Variants in CHRDL1 observed in about 807,000 individuals in gnomAD.
CHRDL1 encodes the protein chordin like 1.
In CHRDL1, 19 loss-of-function variants were observed where a neutral mutation model predicts 40.9. The observed-to-expected ratio is 0.46, with a 90% CI of 0.32 to 0.68. The LOEUF (loss-of-function observed/expected upper bound fraction) is 0.68. Among genes scored for constraint, CHRDL1 ranks in the 30% least tolerant of loss-of-function variants. The pLI, the probability that CHRDL1 is intolerant of heterozygous loss-of-function variation, is 0.03. For synonymous variants in CHRDL1, 136 were observed against 123.4 expected (o/e 1.10, Z -0.68); for missense variants, 329 against 352.1 (o/e 0.93, Z 0.53).
intron 5 of CHRDL1, among the ~76,000 whole-genome samples, chrX:110,721,120 G>T (rs1013423405): frequency 1.8e-5 from 2 of 111,811 alleles, no homozygotes; most frequent in African/African-American, 3.3e-5. Context: ...AAGGAGCGCC[G>T]ATCAACACAA....
chrX:110,753,988 C>A (rs903115432), intron 4 of CHRDL1, among the ~76,000 whole-genome samples: 1 of 112,072 alleles, frequency 8.9e-6, no homozygotes, highest in African/African-American at 3.2e-5. Flanking sequence ...CATGATTACC[C>A]AGCAAATTAA....
intron 11 of CHRDL1, among the ~76,000 whole-genome samples, chrX:110,677,502 G>A (rs933528623): frequency 2.7e-5 from 3 of 111,307 alleles, no homozygotes; most frequent in African/African-American, 9.8e-5. Context: ...TCCTGCCATG[G>A]GCACAGAGTA....
chrX:110,750,980 C>T (rs1171512105), intron 4 of CHRDL1, among the ~76,000 whole-genome samples: 1 of 111,704 alleles, frequency 9.0e-6, no homozygotes, highest in African/African-American at 3.3e-5. Context: ...AAGATCTTAC[C>T]CAGAACGGCT....
At chrX:110,745,740 G>A (rs1207626918) in intron 4 of CHRDL1, among the ~76,000 whole-genome samples, 1 of 111,941 alleles carries the variant, frequency 8.9e-6, no homozygotes. Context: ...AACTCGTCGA[G>A]GCAGGAACTC....
At chrX:110,728,184 A>C (rs1398678223) in intron 4 of CHRDL1, among the ~76,000 whole-genome samples, 1 of 110,270 alleles carries the variant, frequency 9.1e-6, no homozygotes, top group Non-Finnish European at 1.9e-5. Flanking sequence ...ATAACCACTA[A>C]AAGTTATGGG....
chrX:110,703,778 T>C (rs1474044870), intron 6 of CHRDL1, among the ~76,000 whole-genome samples: 2 of 112,115 alleles, frequency 1.8e-5, no homozygotes, highest in South Asian at 3.7e-4. Flanking sequence ...AAGTAGATAC[T>C]GCACAGCATA....
chrX:110,780,459 C>T (rs747499256), intron 2 of CHRDL1, among the ~76,000 whole-genome samples: 2 of 111,786 alleles, frequency 1.8e-5, no homozygotes, highest in Non-Finnish European at 3.8e-5. Context: ...CATAGTTCTA[C>T]ACCAATACAC....
intron 8 of CHRDL1, 78 bp from the exon 9 acceptor site, chrX:110,688,881 A>C: frequency 1.4e-6 from 1 of 712,347 alleles, no homozygotes; most frequent in Non-Finnish European, 2.2e-6. Flanking sequence ...CAAGCCCTGA[A>C]CTACTTAACA....
intron 7 of CHRDL1, among the ~76,000 whole-genome samples, chrX:110,698,319 G>A (rs1290964949): frequency 9.1e-6 from 1 of 110,350 alleles, no homozygotes. Context: ...AAATTAATGA[G>A]GAACCCCCTC....
chrX:110,706,397 A>T (rs1349364258), intron 6 of CHRDL1, among the ~76,000 whole-genome samples: 1 of 112,233 alleles, frequency 8.9e-6, no homozygotes, highest in Non-Finnish European at 1.9e-5. Flanking sequence ...ATATTCATTT[A>T]ACCCTAAAAG....
chrX:110,742,804 A>G (rs753022524), intron 4 of CHRDL1, among the ~76,000 whole-genome samples: 1 of 111,558 alleles, frequency 9.0e-6, no homozygotes, highest in African/African-American at 3.3e-5. Context: ...CAGTCTCCCT[A>G]TTTGTCAAAT....
At chrX:110,786,134 A>T (rs2090014054) in intron 2 of CHRDL1, among the ~76,000 whole-genome samples, 1 of 112,007 alleles carries the variant, frequency 8.9e-6, no homozygotes, top group South Asian at 3.7e-4. Flanking sequence ...CTGTAGATGA[A>T]ACTGTAAATT....
chrX:110,728,987 C>T (rs2071108076), intron 4 of CHRDL1, among the ~76,000 whole-genome samples: 2 of 111,825 alleles, frequency 1.8e-5, no homozygotes, highest in East Asian at 2.8e-4. Context: ...ATTAGCCAGG[C>T]GTGGTGGCGG....
At chrX:110,790,509 C>A (rs934259469) in intron 2 of CHRDL1, among the ~76,000 whole-genome samples, 1 of 111,259 alleles carries the variant, frequency 9.0e-6, no homozygotes, top group African/African-American at 3.3e-5. Context: ...AAGCTTTCCC[C>A]ATGAGGTCAT....
intron 6 of CHRDL1, among the ~76,000 whole-genome samples, chrX:110,705,304 T>TATATACACACAC (rs1491498596): frequency 1.3e-5 from 1 of 77,591 alleles, no homozygotes; most frequent in African/African-American, 5.7e-5. Flanking sequence ...TATATATATA[T>TATATACACACAC]ACACACACAC....
In CHRDL1 at chrX:110,762,811, TGAA is replaced by T. The variant is rs758334699; in HGVS notation, c.95-7_95-5del. The T allele has an allele frequency of 5.2e-5, 53 of 1,022,374 alleles. No homozygotes were observed. The highest frequency in any genetic ancestry group is 7.3e-5 in the Non-Finnish European group (53 of 725,555). 84.3% of individuals were successfully genotyped at this position (1,022,374 alleles called of 1,213,427 possible). ...AACATGCAATATGTCTCTGAATCTG[TGAA>T]GAAGGAGATGGAGAATATGCCTGTT... On this transcript the variant is annotated splice_polypyrimidine_tract_variant and splice_region_variant and intron_variant, in intron 2 of 11. Transcript: ENST00000372042.
intron 7 of CHRDL1, among the ~76,000 whole-genome samples, chrX:110,699,472 A>T (rs974675): frequency 0.076 from 8,499 of 111,885 alleles, 792 homozygotes; most frequent in African/African-American, 0.26. Flanking sequence ...AGAAAATCAA[A>T]TATATTTTAT....
intron 2 of CHRDL1, among the ~76,000 whole-genome samples, chrX:110,770,304 T>C (rs1320192861): frequency 8.9e-6 from 1 of 111,778 alleles, no homozygotes; most frequent in East Asian, 2.8e-4. Flanking sequence ...TTTAAGAAGC[T>C]GGTAGCATAT....
In CHRDL1 at chrX:110,732,626, G is replaced by T. The variant is rs544829790; in HGVS notation, c.302-11096C>A. Among the ~76,000 whole-genome samples, 18 of 111,764 alleles carry T rather than the reference G, an allele frequency of 1.6e-4. No homozygotes were observed. The South Asian group carries it at 6.5e-3, about 41-fold the overall frequency. On this transcript the variant is annotated intron_variant, in intron 4 of 11. Coordinates refer to ENST00000372042, the MANE Select transcript of CHRDL1 (RefSeq NM_001143981.2). ...TCATCCCACTTCCGTCAGTGTTTCAGCTGCTGTCAGTCAGTAGCTGACCCT... is the reference window on the plus strand; with the variant it reads ...TCATCCCACTTCCGTCAGTGTTTCATCTGCTGTCAGTCAGTAGCTGACCCT...
Sources: gnomAD v4.1 joint callset for allele counts (sites outside exome capture counted in the v4.1 genomes callset) on GRCh38, gnomAD v4.1.1 for gene constraint, MANE v1.5 for transcripts, NCBI Gene and HGNC (gene_info 2026-07-23, HGNC 2026-07-21) for gene names.